Variants in NCKAP5 observed in about 807,000 individuals in gnomAD.
The protein encoded by NCKAP5 is nck-associated protein 5.
A neutral mutation model predicts 167.0 loss-of-function variants in NCKAP5; 92 were observed. The observed-to-expected ratio is 0.55, with a 90% confidence interval of 0.47 to 0.66. The LOEUF is 0.66. Among genes scored for constraint, NCKAP5 ranks in the 30% least tolerant of loss-of-function variants. The pLI, the probability that NCKAP5 is intolerant of heterozygous loss-of-function variation, is 0.00. For missense variants in NCKAP5, 2,378 were observed against 2,315.0 expected (o/e 1.03, Z -0.56); for synonymous variants, 891 against 877.4 (o/e 1.02, Z -0.27).
chr2:133,358,665 G>A (rs1297003336), intron 3 of NCKAP5, among the ~76,000 whole-genome samples: 3 of 152,110 alleles, frequency 2.0e-5, no homozygotes, highest in African/African-American at 7.2e-5. Context: ...GTTGTGGCCT[G>A]GGAGTTTCCA....
intron 2 of NCKAP5, among the ~76,000 whole-genome samples, chr2:133,552,890 C>G (rs1370764048): frequency 3.9e-5 from 6 of 152,140 alleles, no homozygotes; most frequent in Non-Finnish European, 8.8e-5. Context: ...GTTTTCTGAA[C>G]ACTGTTGCTA....
chr2:132,732,017 C>G lies in NCKAP5; in HGVS notation c.5163G>C (p.Gly1721=). ...SNCQMRTLDS[G]IGTFPLPDSG... ...AGTCTGGGAGTGGAAAGGTTCCGAT[C>G]CCACTGTCCAATGTTCTCATCTGGC... Residue 1721 remains glycine, a synonymous_variant, in exon 17 of 20, where the codon GGG becomes GGC. Transcript: ENST00000409261. 3.7e-6 allele frequency: 6 copies of G among 1,613,536 alleles called. No homozygotes were observed. The highest frequency in any genetic ancestry group is 5.1e-6 in the Non-Finnish European group (6 of 1,179,726).
intron 14 of NCKAP5, 91 bp downstream of exon 14, chr2:132,781,849 G>T (rs1035133489): frequency 2.5e-6 from 3 of 1,219,198 alleles, no homozygotes; most frequent in African/African-American, 3.0e-5. Context: ...AAACATGCTT[G>T]ACTGGCCTTT....
chr2:133,061,687 G>T (rs1444628914), intron 6 of NCKAP5, among the ~76,000 whole-genome samples: 1 of 152,148 alleles, frequency 6.6e-6, no homozygotes, highest in African/African-American at 2.4e-5. Context: ...CTCCTCTTTC[G>T]ATTTGTTGGG....
At chr2:133,596,475 G>A in the NCKAP5 span, 195 of 152,458 alleles carry the variant, frequency 1.3e-3, no homozygotes, top group Non-Finnish European at 2.3e-3. Flanking sequence ...TGGTCCAGGT[G>A]AGACATGACA....
At chr2:132,878,736 G>T in intron 9 of NCKAP5, 112 bp downstream of exon 9, 1 of 805,852 alleles carries the variant, frequency 1.2e-6, no homozygotes. Flanking sequence ...TTCTTTGGAG[G>T]AGAAAATGCT....
At chr2:133,579,821 C>T in the NCKAP5 span, among the ~76,000 whole-genome samples, 1 of 152,142 alleles carries the variant, frequency 6.6e-6, no homozygotes, top group Non-Finnish European at 1.5e-5. Flanking sequence ...TATACCCAGG[C>T]CCAATTTCAA....
chr2:133,525,144 A>G (rs1684770442), intron 2 of NCKAP5, among the ~76,000 whole-genome samples: 1 of 152,240 alleles, frequency 6.6e-6, no homozygotes, highest in Non-Finnish European at 1.5e-5. Flanking sequence ...GATTTAGAAG[A>G]AGATTAAATG....
In NCKAP5 at chr2:133,385,277, A is replaced by T. The variant is rs529576979; in HGVS notation, c.70-82167T>A. 9.2e-5 allele frequency among the ~76,000 whole-genome samples: 14 copies of T among 152,318 alleles called. No individual in the cohort carries two copies. In the East Asian group the frequency reaches 2.5e-3, roughly 27 times the overall value. On this transcript the variant is annotated intron_variant, in intron 3 of 19. Coordinates refer to ENST00000409261, the MANE Select transcript of NCKAP5 (RefSeq NM_207363.3). ...ATGAAGGGTTGTTGAATTTTGTCAA[A>T]GGCCTTTTCTGCATCTACTGAGATA...
intron 5 of NCKAP5, among the ~76,000 whole-genome samples, chr2:133,165,753 A>C (rs2083973465): frequency 6.6e-6 from 1 of 152,188 alleles, no homozygotes; most frequent in South Asian, 2.1e-4. Flanking sequence ...TCAGATACCC[A>C]GGTCATTTGC....
intron 1 of NCKAP5, among the ~76,000 whole-genome samples, chr2:133,567,987 TATC>T (rs1465980491): frequency 6.6e-6 from 1 of 152,310 alleles, no homozygotes; most frequent in African/African-American, 2.4e-5. Flanking sequence ...AGTATCTCCT[TATC>T]ATCTGCATCC....
chr2:132,842,841 A>G lies in NCKAP5; in HGVS notation c.807+17651T>C, dbSNP rs559092186. ...GGCGTGAGCTACCATGCCCCACCCA[A>G]TTTCCATTTTTTCTGTCTCATGTAA... On this transcript the variant is annotated intron_variant, in intron 11 of 19. Coordinates refer to ENST00000409261, the MANE Select transcript of NCKAP5 (RefSeq NM_207363.3). Among the ~76,000 whole-genome samples the G allele has an allele frequency of 1.2e-4, 19 of 152,044 alleles. No individual in the cohort carries two copies. The South Asian group carries it at 3.9e-3, about 32-fold the overall frequency.
At chr2:133,405,442 A>G (rs1688363297) in intron 3 of NCKAP5, among the ~76,000 whole-genome samples, 1 of 152,212 alleles carries the variant, frequency 6.6e-6, no homozygotes. Flanking sequence ...AAAGCACAAA[A>G]ATGTGAAAAA....
intron 3 of NCKAP5, among the ~76,000 whole-genome samples, chr2:133,411,308 C>T (rs1455099415): frequency 6.6e-6 from 1 of 152,134 alleles, no homozygotes. Context: ...ATCTGGAGCC[C>T]TGGTGTGGGC....
intron 3 of NCKAP5, among the ~76,000 whole-genome samples, chr2:133,416,388 G>T (rs1364843472): frequency 1.3e-5 from 2 of 152,106 alleles, no homozygotes; most frequent in Non-Finnish European, 2.9e-5. Context: ...CAATGTATAG[G>T]GATGAAAATG....
intron 4 of NCKAP5, among the ~76,000 whole-genome samples, chr2:133,252,360 T>G (rs1025704565): frequency 6.6e-6 from 1 of 152,186 alleles, no homozygotes; most frequent in Non-Finnish European, 1.5e-5. Flanking sequence ...TAGAAGCAGT[T>G]GCAGAAAAGA....
At chr2:133,261,795 G>A (rs980529091) in intron 4 of NCKAP5, among the ~76,000 whole-genome samples, 1 of 152,184 alleles carries the variant, frequency 6.6e-6, no homozygotes, top group Non-Finnish European at 1.5e-5. Flanking sequence ...CCCTCTAAAA[G>A]TAGCTGCAGC....
intron 3 of NCKAP5, among the ~76,000 whole-genome samples, chr2:133,407,427 C>T (rs992614555): frequency 6.6e-6 from 1 of 152,192 alleles, no homozygotes; most frequent in Non-Finnish European, 1.5e-5. Flanking sequence ...AATCCACTTA[C>T]CACAGCATTC....
chr2:132,819,704 T>C (rs1686565166), intron 11 of NCKAP5, among the ~76,000 whole-genome samples: 2 of 151,964 alleles, frequency 1.3e-5, no homozygotes, highest in South Asian at 2.1e-4. Context: ...CTTAATCTGT[T>C]AAAAATTTAA....
Sources: allele counts gnomAD v4.1 joint callset (sites outside exome capture counted in the v4.1 genomes callset), GRCh38; gene constraint gnomAD v4.1.1; transcripts MANE v1.5; gene names NCBI Gene and HGNC (gene_info 2026-07-23, HGNC 2026-07-21).